The following ADGRB3 variants were observed in gnomAD, a reference collection of about 807,000 sequenced individuals.
ADGRB3 encodes the protein brain-specific angiogenesis inhibitor 3.
Under a neutral mutation model 193.4 loss-of-function variants are expected in ADGRB3, and 37 were observed. That is an observed-to-expected ratio of 0.19 (90% CI 0.15 to 0.25). The LOEUF is 0.25. ADGRB3 is among the 10% of genes least tolerant of loss of function. ADGRB3 has a pLI of 1.00. For synonymous variants in ADGRB3, 690 were observed against 644.2 expected (o/e 1.07, Z -1.08); for missense variants, 1,637 against 1,852.9 (o/e 0.88, Z 2.14).
chr6:69,052,441 T>A (rs1397316765), intron 15 of ADGRB3, among the ~76,000 whole-genome samples: 1 of 152,206 alleles, frequency 6.6e-6, no homozygotes, highest in African/African-American at 2.4e-5. Flanking sequence ...TGTTGAGGAT[T>A]TTACTAATTA....
intron 3 of ADGRB3, among the ~76,000 whole-genome samples, chr6:68,714,864 G>A (rs1031484545): frequency 6.6e-6 from 1 of 151,568 alleles, no homozygotes; most frequent in African/African-American, 2.4e-5. Flanking sequence ...TGGGAATTAA[G>A]TTCTCTGAGA....
chr6:68,949,644 G>C (rs1442157208), intron 6 of ADGRB3, among the ~76,000 whole-genome samples: 1 of 152,092 alleles, frequency 6.6e-6, no homozygotes, highest in Non-Finnish European at 1.5e-5. Flanking sequence ...GCATGAGGTT[G>C]TTATAATTTG....
chr6:68,913,344 A>G (rs537341909), intron 3 of ADGRB3, among the ~76,000 whole-genome samples: 18 of 152,294 alleles, frequency 1.2e-4, no homozygotes, highest in African/African-American at 3.4e-4. Flanking sequence ...CTCTGAGACA[A>G]AACTTCCAGA....
intron 3 of ADGRB3, among the ~76,000 whole-genome samples, chr6:68,872,454 G>A (rs907189409): frequency 1.3e-5 from 2 of 152,048 alleles, no homozygotes; most frequent in African/African-American, 2.4e-5. Context: ...AAAAGGAAAC[G>A]TATAAGAAGA....
Position 69,091,789 on chromosome 6 carries a change from A to G in ADGRB3, c.2480+15751A>G, listed in dbSNP as rs559329396. On this transcript the variant is annotated intron_variant, in intron 17 of 31. Transcript: ENST00000370598. Reference sequence around the variant, plus strand: ...GACTTTGTACTCCTGAACTTAAAATAAAAGTTAAAAAGTAAATAAATAAAA... The same window carrying G: ...GACTTTGTACTCCTGAACTTAAAATGAAAGTTAAAAAGTAAATAAATAAAA... Among the ~76,000 whole-genome samples, 5 of 152,318 alleles carry G rather than the reference A, an allele frequency of 3.3e-5. No individual in the cohort carries two copies. In the East Asian group the frequency reaches 9.6e-4, roughly 29 times the overall value.
At chr6:68,889,544 C>A (rs1170944817) in intron 3 of ADGRB3, among the ~76,000 whole-genome samples, 1 of 151,208 alleles carries the variant, frequency 6.6e-6, no homozygotes, top group African/African-American at 2.4e-5. Flanking sequence ...GCTCTGTCCC[C>A]CGGGCTGGAG....
intron 8 of ADGRB3, among the ~76,000 whole-genome samples, chr6:68,970,181 AC>A (rs1768517852): frequency 6.6e-6 from 1 of 152,076 alleles, no homozygotes; most frequent in Admixed American, 6.5e-5. Context: ...CCCTGTACTT[AC>A]TATTTGAAGT....
Position 69,133,518 on chromosome 6 carries a change from C to T in ADGRB3, c.2480+57480C>T, listed in dbSNP as rs1451139299. Among the ~76,000 whole-genome samples, 4 of 152,130 alleles carry T rather than the reference C, an allele frequency of 2.6e-5. No homozygotes were observed. In the South Asian group the frequency reaches 6.2e-4, roughly 24 times the overall value. Reference sequence around the variant, plus strand: ...AAACACCCATGACCAGATGGATTCACAGCCAAATTCTACCAGAGGTACAAA... The same window carrying T: ...AAACACCCATGACCAGATGGATTCATAGCCAAATTCTACCAGAGGTACAAA... On this transcript the variant is annotated intron_variant, in intron 17 of 31. Coordinates refer to ENST00000370598, the MANE Select transcript of ADGRB3 (RefSeq NM_001704.3).
At chr6:68,945,135 A>G (rs1259930072) in intron 6 of ADGRB3, among the ~76,000 whole-genome samples, 2 of 151,392 alleles carry the variant, frequency 1.3e-5, no homozygotes, top group Non-Finnish European at 3.0e-5. Flanking sequence ...AGATATGCAA[A>G]AGTCATCTAA....
intron 8 of ADGRB3, among the ~76,000 whole-genome samples, chr6:68,970,522 G>T (rs1474487064): frequency 2.0e-5 from 3 of 152,020 alleles, no homozygotes; most frequent in Non-Finnish European, 4.4e-5. Context: ...TCATCAGGCT[G>T]GTCTTGAACT....
intron 3 of ADGRB3, among the ~76,000 whole-genome samples, chr6:68,765,916 A>C (rs1358775168): frequency 2.0e-5 from 3 of 151,972 alleles, no homozygotes; most frequent in African/African-American, 7.2e-5. Context: ...ATATATTTAC[A>C]TGTGTCTGAA....
At chr6:68,884,234 A>AAG (rs1260775926) in intron 3 of ADGRB3, among the ~76,000 whole-genome samples, 2 of 152,208 alleles carry the variant, frequency 1.3e-5, no homozygotes, top group African/African-American at 4.8e-5. Context: ...TCGTTCATGT[A>AAG]AGGCACAGTG....
At chr6:68,811,874 T>TA (rs1767519007) in intron 3 of ADGRB3, among the ~76,000 whole-genome samples, 1 of 152,150 alleles carries the variant, frequency 6.6e-6, no homozygotes, top group South Asian at 2.1e-4. Context: ...GATAGATACA[T>TA]ATACACTTAT....
At chr6:68,895,737 G>T (rs1766201218) in intron 3 of ADGRB3, among the ~76,000 whole-genome samples, 1 of 151,324 alleles carries the variant, frequency 6.6e-6, no homozygotes, top group Admixed American at 6.6e-5. Flanking sequence ...ACTTATAGCA[G>T]ATCAATAAAT....
At chr6:68,878,791 A>G (rs1046250679) in intron 3 of ADGRB3, among the ~76,000 whole-genome samples, 2 of 152,348 alleles carry the variant, frequency 1.3e-5, no homozygotes, top group South Asian at 4.1e-4. Context: ...GTTTAACTGG[A>G]CTTACAGTTC....
At chr6:69,255,407 G>C (rs1166006252) in intron 20 of ADGRB3, among the ~76,000 whole-genome samples, 1 of 152,164 alleles carries the variant, frequency 6.6e-6, no homozygotes, top group African/African-American at 2.4e-5. Context: ...ATTCTAACTG[G>C]TGTGAGATGG....
At chr6:69,286,926 T>A (rs1767564538) in intron 20 of ADGRB3, among the ~76,000 whole-genome samples, 1 of 152,236 alleles carries the variant, frequency 6.6e-6, no homozygotes, top group Non-Finnish European at 1.5e-5. Context: ...TTAATGTTAG[T>A]GTAACTAACA....
chr6:68,972,962 A>T (rs551745048), intron 8 of ADGRB3, among the ~76,000 whole-genome samples: 107 of 152,336 alleles, frequency 7.0e-4, no homozygotes, highest in African/African-American at 2.5e-3. Flanking sequence ...GATCATTGGT[A>T]AGGTTAGGAG....
chr6:68,703,743 C>T (rs897663142), intron 3 of ADGRB3, among the ~76,000 whole-genome samples: 1 of 152,102 alleles, frequency 6.6e-6, no homozygotes, highest in Non-Finnish European at 1.5e-5. Context: ...CTGCCTCAGC[C>T]TCCTGAGTAG....
Sources: gnomAD v4.1 joint callset for allele counts (sites outside exome capture counted in the v4.1 genomes callset) on GRCh38, gnomAD v4.1.1 for gene constraint, MANE v1.5 for transcripts, NCBI Gene and HGNC (gene_info 2026-07-23, HGNC 2026-07-21) for gene names.